Variants in DLC1 observed in about 807,000 individuals in gnomAD.
The protein encoded by DLC1 is rho GTPase-activating protein 7.
DLC1 carries 54 observed loss-of-function variants against 140.3 expected under a neutral mutation model. That is an observed-to-expected ratio of 0.38 (90% CI 0.31 to 0.48). The LOEUF (loss-of-function observed/expected upper bound fraction) is 0.48, where lower values mean the gene tolerates loss of function less well. Ranked by LOEUF, DLC1 falls within the 20% of genes least tolerant of loss-of-function variation. DLC1 has a pLI of 0.96. For missense variants in DLC1, 2,536 were observed against 1,907.0 expected (o/e 1.33, Z -6.14); for synonymous variants, 986 against 728.1 (o/e 1.35, Z -5.70).
At chr8:13,318,465 A>G (rs573102990) in intron 4 of DLC1, among the ~76,000 whole-genome samples, 6 of 152,336 alleles carry the variant, frequency 3.9e-5, no homozygotes, top group African/African-American at 9.6e-5. Context: ...GTCCATGTCA[A>G]GTTTTGAACC....
intron 4 of DLC1, among the ~76,000 whole-genome samples, chr8:13,310,928 A>C (rs1312617988): frequency 1.3e-5 from 2 of 152,220 alleles, no homozygotes; most frequent in Non-Finnish European, 2.9e-5. Context: ...TACTATATCC[A>C]TGTATCATCT....
chr8:13,199,423 A>G (rs998589443), intron 5 of DLC1, among the ~76,000 whole-genome samples: 4 of 151,798 alleles, frequency 2.6e-5, no homozygotes, highest in Admixed American at 6.6e-5. Flanking sequence ...GCCTCACGCA[A>G]TCCTCCCGCG....
intron 2 of DLC1, among the ~76,000 whole-genome samples, chr8:13,446,440 T>G (rs1798779302): frequency 6.6e-6 from 1 of 152,160 alleles, no homozygotes; most frequent in African/African-American, 2.4e-5. Flanking sequence ...GCAAGACTGT[T>G]ATTGCAGACA....
chr8:13,509,580 CAATT>C (rs1802262700), intron 1 of DLC1, among the ~76,000 whole-genome samples: 1 of 152,176 alleles, frequency 6.6e-6, no homozygotes, highest in South Asian at 2.1e-4. Context: ...AAACATCCTT[CAATT>C]AATTAAGCAC....
intron 5 of DLC1, among the ~76,000 whole-genome samples, chr8:13,235,638 A>G (rs1253464002): frequency 2.0e-5 from 3 of 152,054 alleles, no homozygotes; most frequent in Non-Finnish European, 4.4e-5. Flanking sequence ...TTTAACTCAC[A>G]GGGTAACTAT....
intron 2 of DLC1, among the ~76,000 whole-genome samples, chr8:13,494,284 G>T (rs191902269): frequency 5.3e-4 from 80 of 152,198 alleles, no homozygotes; most frequent in Middle Eastern, 3.4e-3. Flanking sequence ...TGTCCCTTAC[G>T]TCTTTGATAA....
At chr8:13,340,308 C>T (rs1238907561) in intron 4 of DLC1, 1 of 152,348 alleles carries the variant, frequency 6.6e-6, no homozygotes, top group African/African-American at 2.4e-5. Flanking sequence ...TCAAGCAATT[C>T]TCCTGCCTGA....
At chr8:13,232,634 G>T (rs559153083) in intron 5 of DLC1, among the ~76,000 whole-genome samples, 7 of 152,232 alleles carry the variant, frequency 4.6e-5, no homozygotes, top group Admixed American at 4.6e-4. Context: ...CCCCGCCTCT[G>T]CTACAGTCTT....
intron 1 of DLC1, among the ~76,000 whole-genome samples, chr8:13,593,536 C>G (rs574046798): frequency 6.6e-6 from 1 of 152,014 alleles, no homozygotes. Context: ...AACCTGGATG[C>G]CAAAGACAGG....
chr8:13,332,868 G>T (rs1349960), intron 4 of DLC1, among the ~76,000 whole-genome samples: 130,101 of 152,018 alleles, frequency 0.86, 56,087 homozygotes, highest in East Asian at 0.95. Context: ...TGATTTTTTT[G>T]TGTATTTGAC....
chr8:13,406,972 C>T (rs972502749), intron 2 of DLC1, among the ~76,000 whole-genome samples: 1 of 152,166 alleles, frequency 6.6e-6, no homozygotes, highest in African/African-American at 2.4e-5. Flanking sequence ...AGAACAGAAA[C>T]ATCCTGTTGC....
chr8:13,167,667 C>T (rs746083528), intron 5 of DLC1, among the ~76,000 whole-genome samples: 22 of 152,302 alleles, frequency 1.4e-4, no homozygotes, highest in Non-Finnish European at 3.1e-4. Flanking sequence ...GATGGATTCT[C>T]AAAATGAGAA....
chr8:13,259,139 G>GAAAAA (rs776038964), intron 5 of DLC1, among the ~76,000 whole-genome samples: 3 of 66,614 alleles, frequency 4.5e-5, no homozygotes, highest in Non-Finnish European at 3.2e-5. Flanking sequence ...TCCGTCTCAA[G>GAAAAA]AAAAAAAAAA....
At chr8:13,592,976 T>C (rs546997500) in intron 1 of DLC1, among the ~76,000 whole-genome samples, 1 of 152,244 alleles carries the variant, frequency 6.6e-6, no homozygotes, top group Non-Finnish European at 1.5e-5. Context: ...TTCTTCCAAA[T>C]ATTTCCAAGC....
At chr8:13,162,334 G>C (rs377206206) in intron 5 of DLC1, among the ~76,000 whole-genome samples, 1 of 143,152 alleles carries the variant, frequency 7.0e-6, no homozygotes, top group African/African-American at 2.5e-5. Context: ...TGTTGTTGTT[G>C]TTTTTGAGAT....
chr8:13,200,679 G>A (rs1343566428), intron 5 of DLC1, among the ~76,000 whole-genome samples: 3 of 151,646 alleles, frequency 2.0e-5, no homozygotes, highest in Non-Finnish European at 4.4e-5. Flanking sequence ...GTCATAAGTC[G>A]CTGCAGCCTT....
intron 1 of DLC1, among the ~76,000 whole-genome samples, chr8:13,505,973 G>A (rs965674468): frequency 6.6e-6 from 1 of 152,164 alleles, no homozygotes; most frequent in African/African-American, 2.4e-5. Context: ...CACAGTACTT[G>A]GAAAGATGGC....
intron 4 of DLC1, among the ~76,000 whole-genome samples, chr8:13,326,041 A>T (rs894376119): frequency 1.3e-4 from 20 of 152,268 alleles, no homozygotes; most frequent in Non-Finnish European, 1.9e-4. Flanking sequence ...TCTTATAAAA[A>T]AAATAAATAA....
At position 13,439,760 on chromosome 8, in the gene DLC1, A is replaced by G. The variant is rs186022514; in HGVS notation, c.1024-38141T>C. 4.1e-3 allele frequency among the ~76,000 whole-genome samples: 623 copies of G among 152,248 alleles called. 1 individual carries two copies. The highest frequency in any genetic ancestry group is 7.4e-3 in the Non-Finnish European group (506 of 68,020). ...TTATGTCTCCTTCTGAGCCCTGTGA[A>G]CTACCAGCTTCCAGAAAACCCTCGC... On this transcript the variant is annotated intron_variant, in intron 2 of 17. Coordinates refer to ENST00000276297, the MANE Select transcript of DLC1 (RefSeq NM_182643.3).
Sources: allele counts gnomAD v4.1 joint callset (sites outside exome capture counted in the v4.1 genomes callset), GRCh38; gene constraint gnomAD v4.1.1; transcripts MANE v1.5; gene names NCBI Gene and HGNC (gene_info 2026-07-23, HGNC 2026-07-21).